The following TNNI3K variants were observed in gnomAD, a reference collection of about 807,000 sequenced individuals.
TNNI3K encodes the protein serine/threonine-protein kinase TNNI3K.
A neutral mutation model predicts 114.5 loss-of-function variants in TNNI3K; 140 were observed. The observed-to-expected ratio is 1.22, with a 90% CI of 1.07 to 1.41. TNNI3K has a LOEUF of 1.41. TNNI3K is among the 40% of genes most tolerant of loss of function. The pLI is 0.00. For missense variants in TNNI3K, 1,125 were observed against 1,007.6 expected, an observed-to-expected ratio of 1.12 and a Z score of -1.58; for synonymous variants, 347 against 347.5, an observed-to-expected ratio of 1.00 and a Z score of 0.02.
At chr1:74,542,476 G>A (rs1311918998) in intron 24 of TNNI3K, among the ~76,000 whole-genome samples, 1 of 152,120 alleles carries the variant, frequency 6.6e-6, no homozygotes, top group African/African-American at 2.4e-5. Context: ...GTATCCTACT[G>A]CCCCTCATCT....
chr1:74,360,284 A>G (rs931177638), intron 11 of TNNI3K, among the ~76,000 whole-genome samples: 1 of 151,978 alleles, frequency 6.6e-6, no homozygotes, highest in Non-Finnish European at 1.5e-5. Context: ...TCTCTGATAT[A>G]CTGTCACCCA....
intron 5 of TNNI3K, among the ~76,000 whole-genome samples, chr1:74,315,451 T>G (rs1032724732): frequency 2.6e-5 from 4 of 152,158 alleles, no homozygotes; most frequent in Admixed American, 6.5e-5. Flanking sequence ...TACATTTGTA[T>G]ATTACAATGT....
At chr1:74,528,004 G>T (rs944003081) in intron 23 of TNNI3K, among the ~76,000 whole-genome samples, 10 of 152,184 alleles carry the variant, frequency 6.6e-5, no homozygotes, top group Non-Finnish European at 1.5e-4. Flanking sequence ...CTTAAGTATG[G>T]TAAATAAGGT....
intron 17 of TNNI3K, among the ~76,000 whole-genome samples, chr1:74,383,837 G>A (rs1365639342): frequency 2.0e-5 from 3 of 151,904 alleles, no homozygotes; most frequent in South Asian, 2.1e-4. Context: ...TTAAATCTTC[G>A]TAGCTCTATA....
intron 23 of TNNI3K, among the ~76,000 whole-genome samples, chr1:74,505,502 A>C (rs1669846779): frequency 6.6e-6 from 1 of 152,338 alleles, no homozygotes; most frequent in African/African-American, 2.4e-5. Flanking sequence ...TTTCTGAAGC[A>C]GCTCTTACAA....
At chr1:74,418,526 C>G (rs1046723036) in intron 17 of TNNI3K, among the ~76,000 whole-genome samples, 3 of 151,796 alleles carry the variant, frequency 2.0e-5, no homozygotes, top group Non-Finnish European at 4.4e-5. Context: ...TTATTATAGT[C>G]CAATGTGAAT....
intron 20 of TNNI3K, among the ~76,000 whole-genome samples, chr1:74,446,781 C>A (rs973307608): frequency 6.8e-6 from 1 of 146,286 alleles, no homozygotes; most frequent in Non-Finnish European, 1.5e-5. Context: ...TTCCCAGCAC[C>A]ATTTATTAAA....
At chr1:74,254,774 G>A (rs1655169526) in intron 4 of TNNI3K, among the ~76,000 whole-genome samples, 1 of 152,120 alleles carries the variant, frequency 6.6e-6, no homozygotes, top group South Asian at 2.1e-4. Context: ...CAAAGTAAAA[G>A]CAAGTTTATT....
rs958617230 is a variant in TNNI3K, at chr1:74,321,598, T to G, written c.445-9852T>G. Among the ~76,000 whole-genome samples the G allele has an allele frequency of 2.6e-5, 4 of 152,036 alleles. No homozygotes were observed. In the South Asian group the frequency reaches 8.3e-4, roughly 32 times the overall value. The stretch of plus-strand genomic sequence containing the variant: ...AGAAGTGATGCTAAATTTATATAAC[T>G]GATGAAATTATTTTATATACATAAG... On this transcript the variant is annotated intron_variant, in intron 5 of 24. Transcript: ENST00000326637.
At chr1:74,531,714 C>T (rs1014491082) in intron 23 of TNNI3K, among the ~76,000 whole-genome samples, 1 of 152,136 alleles carries the variant, frequency 6.6e-6, no homozygotes, top group Non-Finnish European at 1.5e-5. Flanking sequence ...GGGCAAATAA[C>T]TGAAATTCTG....
In TNNI3K at chr1:74,517,696, A is replaced by T. The variant is rs189070124; in HGVS notation, c.2352-22538A>T. ...CTGAGGCTTAGAAAGTGTCTTGTGT[A>T]AAGAGTACGACTGGTAAACCGAAAA... On this transcript the variant is annotated intron_variant, in intron 23 of 24. Transcript: ENST00000326637. Among the ~76,000 whole-genome samples, 176 of 152,330 alleles carry T rather than the reference A, an allele frequency of 1.2e-3. 2 individuals are homozygous for T. Among genetic ancestry groups the T allele is most frequent in the African/African-American group, 3.9e-3 (161 of 41,570 alleles).
At chr1:74,371,962 A>G (rs1237764078) in intron 17 of TNNI3K, 1 of 151,726 alleles carries the variant, frequency 6.6e-6, no homozygotes, top group African/African-American at 2.4e-5. Flanking sequence ...AGGAAGAGAC[A>G]TGTCAACTTT....
chr1:74,391,071 G>T (rs1273332037), intron 17 of TNNI3K, among the ~76,000 whole-genome samples: 1 of 151,882 alleles, frequency 6.6e-6, no homozygotes, highest in Non-Finnish European at 1.5e-5. Context: ...TGTCCTGTGG[G>T]CCATTTTTGA....
chr1:74,255,725 C>A (rs1655246329), intron 4 of TNNI3K, among the ~76,000 whole-genome samples: 1 of 152,168 alleles, frequency 6.6e-6, no homozygotes, highest in South Asian at 2.1e-4. Context: ...ACCATCATCA[C>A]AGTCATGTTA....
rs1423253084 is a variant in TNNI3K, at chr1:74,475,213, G to A, written c.2121+11663G>A. Reference sequence around the variant, plus strand: ...TATAGTGATTTTTATAGTATTTCCTGTTGAGGAAATTAAAGGAGGGAGGCT... The same window carrying A: ...TATAGTGATTTTTATAGTATTTCCTATTGAGGAAATTAAAGGAGGGAGGCT... On this transcript the variant is annotated intron_variant, in intron 21 of 24. Coordinates refer to ENST00000326637, the MANE Select transcript of TNNI3K (RefSeq NM_015978.3). 5 of 606,188 alleles carry A rather than the reference G, an allele frequency of 8.2e-6. 1 individual carries two copies. The highest frequency in any genetic ancestry group is 5.5e-5 in the East Asian group (2 of 36,140). 37.6% of individuals were successfully genotyped at this position (606,188 alleles called of 1,614,324 possible). A position where few individuals can be genotyped will look rare whatever the true frequency, so the allele number is the denominator to read the frequency against.
At chr1:74,292,076 A>G (rs889801346) in intron 5 of TNNI3K, among the ~76,000 whole-genome samples, 5 of 151,454 alleles carry the variant, frequency 3.3e-5, no homozygotes, top group Non-Finnish European at 7.4e-5. Context: ...TTTTCTACCA[A>G]TAGTGGCATA....
At chr1:74,391,957 A>ATTTTTTTTTTTTTTTTTTTTTTTTTTT (rs34656417) in intron 17 of TNNI3K, among the ~76,000 whole-genome samples, 1 of 92,990 alleles carries the variant, frequency 1.1e-5, no homozygotes, top group African/African-American at 3.9e-5. Context: ...ACAGCTTATT[A>ATTTTTTTTTTTTTTTTTTTTTTTTTTT]TTTTTTTTTT....
intron 9 of TNNI3K, among the ~76,000 whole-genome samples, chr1:74,351,161 G>T (rs1661314935): frequency 6.6e-6 from 1 of 151,998 alleles, no homozygotes; most frequent in Non-Finnish European, 1.5e-5. Context: ...GGGCAGGCCT[G>T]GTGGTGACAA....
chr1:74,540,214 G>C lies in TNNI3K; in HGVS notation c.2352-20G>C. The C allele has an allele frequency of 8.1e-6, 13 of 1,608,900 alleles. No homozygotes were observed. The highest frequency in any genetic ancestry group is 1.1e-5 in the Non-Finnish European group (13 of 1,177,576). ...TATCAGATCACCATACTGTGAAACT[G>C]TGTTTTATTAATTTTCCAGTGCTGG... On this transcript the variant is annotated intron_variant, in intron 23 of 24. Coordinates refer to ENST00000326637, the MANE Select transcript of TNNI3K (RefSeq NM_015978.3).
Sources: gnomAD v4.1 joint callset for allele counts (sites outside exome capture counted in the v4.1 genomes callset) on GRCh38, gnomAD v4.1.1 for gene constraint, MANE v1.5 for transcripts, NCBI Gene and HGNC (gene_info 2026-07-23, HGNC 2026-07-21) for gene names.